Variants in TLL1 observed in about 807,000 individuals in gnomAD.
TLL1 encodes tolloid like 1.
A neutral mutation model predicts 128.2 loss-of-function variants in TLL1; 49 were observed. The observed-to-expected ratio is 0.38, with a 90% confidence interval of 0.30 to 0.48. The LOEUF (loss-of-function observed/expected upper bound fraction) is 0.48. Ranked by LOEUF, TLL1 falls within the 20% of genes least tolerant of loss-of-function variation. The pLI is 0.96. For missense variants in TLL1, 1,123 were observed against 1,242.0 expected (o/e 0.90, Z 1.44); for synonymous variants, 454 against 418.8 (o/e 1.08, Z -1.03).
chr4:165,882,570 C>T (rs1015616375), intron 1 of TLL1, among the ~76,000 whole-genome samples: 1 of 152,002 alleles, frequency 6.6e-6, no homozygotes, highest in Non-Finnish European at 1.5e-5. Flanking sequence ...GTATCTGGAA[C>T]GGGTAAAGGA....
At chr4:165,958,776 A>G (rs1734942923) in intron 1 of TLL1, among the ~76,000 whole-genome samples, 1 of 149,052 alleles carries the variant, frequency 6.7e-6, no homozygotes, top group Non-Finnish European at 1.5e-5. Flanking sequence ...TTAGACACGA[A>G]GTCCTTGCCC....
intron 15 of TLL1, among the ~76,000 whole-genome samples, chr4:166,062,549 G>T (rs1436787374): frequency 3.9e-5 from 6 of 152,168 alleles, no homozygotes; most frequent in African/African-American, 9.7e-5. Flanking sequence ...AAATGCTTGT[G>T]ATTTTTGCAC....
At chr4:165,911,859 A>G (rs1382838386) in intron 1 of TLL1, among the ~76,000 whole-genome samples, 1 of 151,992 alleles carries the variant, frequency 6.6e-6, no homozygotes, top group African/African-American at 2.4e-5. Context: ...AATTAAGTCA[A>G]TGGTGTTTTT....
At chr4:166,086,764 C>T (rs144471056) in intron 18 of TLL1, among the ~76,000 whole-genome samples, 32 of 152,208 alleles carry the variant, frequency 2.1e-4, no homozygotes, top group African/African-American at 7.2e-4. Flanking sequence ...CACAACCTTG[C>T]CTTCCCAATT....
Position 166,025,355 on chromosome 4 carries a change from C to T in TLL1, c.1082C>T (p.Ser361Phe). Reference sequence around the variant, plus strand: ...CTACAAGAATCCAATGGCAACCTTTCCTCTCCAGGATTTCCCAATGGCTAC... The same window carrying T: ...CTACAAGAATCCAATGGCAACCTTTTCTCTCCAGGATTTCCCAATGGCTAC... ...ETLQESNGNL[S>F]SPGFPNGYPS... The change falls in exon 9 of 21, where the codon TCC becomes TTC. Residue 361 changes from serine (S) to phenylalanine (F), a missense_variant. By Grantham distance (155) the Ser-to-Phe change is radical. Coordinates refer to ENST00000061240, the MANE Select transcript of TLL1 (RefSeq NM_012464.5). 6.2e-7 allele frequency: 1 copy of T among 1,613,942 alleles called. No homozygotes were observed. Among genetic ancestry groups the T allele is most frequent in the Non-Finnish European group, 8.5e-7 (1 of 1,179,906 alleles).
At chr4:165,897,465 C>T (rs1242503190) in intron 1 of TLL1, among the ~76,000 whole-genome samples, 1 of 152,140 alleles carries the variant, frequency 6.6e-6, no homozygotes, top group African/African-American at 2.4e-5. Flanking sequence ...TTTCCCAACA[C>T]CATTTATTAA....
chr4:165,913,824 G>C (rs544329770), intron 1 of TLL1, among the ~76,000 whole-genome samples: 1 of 152,216 alleles, frequency 6.6e-6, no homozygotes, highest in South Asian at 2.1e-4. Flanking sequence ...AACCAGCCTT[G>C]GCAACATGGT....
At chr4:166,036,440 A>C (rs1043871711) in intron 9 of TLL1, among the ~76,000 whole-genome samples, 1 of 152,190 alleles carries the variant, frequency 6.6e-6, no homozygotes, top group Admixed American at 6.5e-5. Context: ...ATATTTATAT[A>C]GTTGTGTTTT....
At chr4:165,891,614 C>A (rs975504803) in intron 1 of TLL1, among the ~76,000 whole-genome samples, 1 of 152,150 alleles carries the variant, frequency 6.6e-6, no homozygotes, top group South Asian at 2.1e-4. Flanking sequence ...GCAACAATCA[C>A]CTTCACTCCA....
At chr4:166,021,993 C>T (rs1738262898) in intron 8 of TLL1, among the ~76,000 whole-genome samples, 2 of 152,032 alleles carry the variant, frequency 1.3e-5, no homozygotes, top group African/African-American at 4.8e-5. Flanking sequence ...TTAAAATGTT[C>T]TAGTAATTTA....
chr4:165,913,120 C>G (rs1378713933), intron 1 of TLL1, among the ~76,000 whole-genome samples: 3 of 152,086 alleles, frequency 2.0e-5, no homozygotes, highest in African/African-American at 7.2e-5. Flanking sequence ...AATAACAAGT[C>G]CAGATCATTG....
At chr4:166,080,153 C>T (rs182779659) in intron 18 of TLL1, among the ~76,000 whole-genome samples, 7 of 152,176 alleles carry the variant, frequency 4.6e-5, no homozygotes, top group Non-Finnish European at 7.4e-5. Flanking sequence ...GGTGAGGCCT[C>T]TCTTTCTGGC....
intron 12 of TLL1, among the ~76,000 whole-genome samples, chr4:166,052,020 A>T (rs1046843399): frequency 6.6e-6 from 1 of 152,184 alleles, no homozygotes; most frequent in Non-Finnish European, 1.5e-5. Context: ...TACACTGTAA[A>T]TTAAAATGTA....
chr4:166,009,903 A>T (rs1326478783), intron 7 of TLL1, among the ~76,000 whole-genome samples: 1 of 151,366 alleles, frequency 6.6e-6, no homozygotes, highest in Non-Finnish European at 1.5e-5. Flanking sequence ...GTATATTGAC[A>T]TTACTGTAAA....
intron 15 of TLL1, among the ~76,000 whole-genome samples, chr4:166,063,333 A>T (rs1364497717): frequency 6.6e-6 from 1 of 152,210 alleles, no homozygotes; most frequent in Non-Finnish European, 1.5e-5. Flanking sequence ...TTAAAAAGTC[A>T]GGAAACCACA....
At chr4:166,060,001 A>G in intron 14 of TLL1, 27 bp from the exon 15 acceptor site, 3 of 1,612,324 alleles carry the variant, frequency 1.9e-6, no homozygotes, top group Non-Finnish European at 2.5e-6. Context: ...TGGGGAGAAT[A>G]TACCTTTTTC....
chr4:165,959,567 C>A (rs996899819), intron 1 of TLL1, among the ~76,000 whole-genome samples: 1 of 152,112 alleles, frequency 6.6e-6, no homozygotes, highest in Admixed American at 6.6e-5. Context: ...ATGGAACATA[C>A]TTGAAGATCA....
At chr4:165,922,131 T>A (rs76975375) in intron 1 of TLL1, among the ~76,000 whole-genome samples, 1 of 152,090 alleles carries the variant, frequency 6.6e-6, no homozygotes, top group Non-Finnish European at 1.5e-5. Flanking sequence ...TGCTCCCCAG[T>A]TGACCTATGC....
intron 1 of TLL1, among the ~76,000 whole-genome samples, chr4:165,965,221 G>A (rs1735310484): frequency 6.6e-6 from 1 of 152,010 alleles, no homozygotes; most frequent in Non-Finnish European, 1.5e-5. Flanking sequence ...GACATAATAT[G>A]TTTCTTTGTA....
Sources: gnomAD v4.1 joint callset for allele counts (sites outside exome capture counted in the v4.1 genomes callset) on GRCh38, gnomAD v4.1.1 for gene constraint, MANE v1.5 for transcripts, NCBI Gene and HGNC (gene_info 2026-07-23, HGNC 2026-07-21) for gene names.